PRDM15: variants seen among roughly 807,000 people sequenced by gnomAD.
PRDM15 encodes PR domain zinc finger protein 15.
A neutral mutation model predicts 128.6 loss-of-function variants in PRDM15; 64 were observed. The ratio of observed to expected loss-of-function variants is 0.50; its 90% CI spans 0.41 to 0.61. PRDM15 has a LOEUF of 0.61. PRDM15 is among the 20% of genes least tolerant of loss of function. The pLI is 0.00. For missense variants in PRDM15, 1,242 were observed against 1,569.1 expected (o/e 0.79, Z 3.52); for synonymous variants, 615 against 621.8 (o/e 0.99, Z 0.16).
chr21:41,825,888 G>GCTCATAGAGTCTTAACTGAAGA (rs2062451427), intron 13 of PRDM15, 72 bp downstream of exon 13: 1 of 1,169,866 alleles, frequency 8.5e-7, no homozygotes, highest in East Asian at 2.3e-5. Flanking sequence ...TATAAGTACA[G>GCTCATAGAGTCTTAACTGAAGA]CTCATAGAGT....
intron 5 of PRDM15, among the ~76,000 whole-genome samples, chr21:41,848,394 A>G (rs1443422315): frequency 6.6e-6 from 1 of 152,252 alleles, no homozygotes; most frequent in African/African-American, 2.4e-5. Context: ...AAAATAAAGA[A>G]AGAGCAGAAA....
rs1011938558 is a variant in PRDM15, at chr21:41,859,330, A to G, written c.131+262T>C. ...GTCCACTCTTCTGCAGCCTCCACAC[A>G]CTGTGTCGGGAACAGCTGGGCTCCA... On this transcript the variant is annotated intron_variant, in intron 3 of 23. Transcript: ENST00000398548. This position sits in a 1 kb window ranked among gnomAD's most constrained non-coding sequence, Gnocchi z 5.3. 9.2e-7 allele frequency: 1 copy of G among 1,092,462 alleles called. No individual in the cohort carries two copies. Among genetic ancestry groups the G allele is most frequent in the East Asian group, 2.5e-5 (1 of 40,766 alleles). 67.7% of individuals were successfully genotyped at this position (1,092,462 alleles called of 1,614,324 possible). A position where few individuals can be genotyped will look rare whatever the true frequency, so the allele number is the denominator to read the frequency against.
intron 16 of PRDM15, 150 bp downstream of exon 16, chr21:41,820,917 A>T (rs1361147702): frequency 1.0e-6 from 1 of 975,614 alleles, no homozygotes; most frequent in Non-Finnish European, 1.6e-6. Flanking sequence ...GCTGCCCCCG[A>T]GCCCTGCTGC....
At chr21:41,847,528 T>C (rs2063304177) in intron 5 of PRDM15, among the ~76,000 whole-genome samples, 1 of 152,162 alleles carries the variant, frequency 6.6e-6, no homozygotes, top group Admixed American at 6.5e-5. Context: ...ATGAGAAAAG[T>C]GCATTCCTCA....
chr21:41,867,495 T>G (rs1345370250), intron 1 of PRDM15: 12 of 776,990 alleles, frequency 1.5e-5, no homozygotes, highest in Non-Finnish European at 2.3e-5. Flanking sequence ...CGCAGTGGTT[T>G]TTCACAGGCG....
chr21:41,815,459 C>A (rs2062017074), intron 19 of PRDM15, among the ~76,000 whole-genome samples: 1 of 152,206 alleles, frequency 6.6e-6, no homozygotes, highest in Non-Finnish European at 1.5e-5. Context: ...AAAGACTGAC[C>A]AGTCTCCCAA....
Position 41,832,760 on chromosome 21 carries a change from G to A in PRDM15, c.1366+2677C>T, listed in dbSNP as rs562300845. Among the ~76,000 whole-genome samples the A allele has an allele frequency of 5.9e-5, 9 of 152,332 alleles. 1 individual carries two copies. In the South Asian group the frequency reaches 1.9e-3, roughly 32 times the overall value. ...CATGAGCACCCCCTCCTGGGCAGGT[G>A]GCTCCACTAGTCCTGCCGCCCCGTG... On this transcript the variant is annotated intron_variant, in intron 11 of 23. Transcript: ENST00000398548. This position sits in a 1 kb window ranked among gnomAD's most constrained non-coding sequence, Gnocchi z 4.2.
In PRDM15 at chr21:41,861,703, A is replaced by G. The variant is rs146720942; in HGVS notation, c.-9-1331T>C. 1.1e-5 allele frequency: 17 copies of G among 1,614,104 alleles called. No homozygotes were observed. The South Asian group carries it at 1.6e-4, about 16-fold the overall frequency. On this transcript the variant is annotated intron_variant, in intron 1 of 23. Transcript: ENST00000398548. ...CCCAGCAGCTTGAAGGGTGAAAAGC[A>G]GACCGTGCAAAACTCATATGGAAAC...
At chr21:41,856,552 C>G (rs189557278) in intron 4 of PRDM15, among the ~76,000 whole-genome samples, 19 of 152,170 alleles carry the variant, frequency 1.2e-4, no homozygotes, top group African/African-American at 4.6e-4. Context: ...ATACAGAGGG[C>G]AGGCATGGCA....
Position 41,832,047 on chromosome 21 carries a change from G to C in PRDM15, c.1366+3390C>G, listed in dbSNP as rs571717999. Among the ~76,000 whole-genome samples the C allele has an allele frequency of 1.3e-5, 2 of 152,358 alleles. No individual in the cohort carries two copies. The highest frequency in any genetic ancestry group is 4.1e-4 in the South Asian group (2 of 4,830). On this transcript the variant is annotated intron_variant, in intron 11 of 23. Transcript: ENST00000398548. This position sits in a 1 kb window ranked among gnomAD's most constrained non-coding sequence, Gnocchi z 4.2. ...CCGGATCCACACGACCGCATGGTAT[G>C]TGTCCTTCACACACTGCGTCTGAGG... is the stretch of plus-strand genomic sequence containing the variant.
At chr21:41,831,396 T>C (rs538196458) in intron 11 of PRDM15, among the ~76,000 whole-genome samples, 1 of 152,338 alleles carries the variant, frequency 6.6e-6, no homozygotes, top group Admixed American at 6.5e-5. Context: ...CCAAGGTGTC[T>C]GCAGACATTG....
chr21:41,829,518 A>G (rs973762991), intron 11 of PRDM15, among the ~76,000 whole-genome samples: 1 of 151,658 alleles, frequency 6.6e-6, no homozygotes, highest in South Asian at 2.1e-4. Context: ...CATCACACAC[A>G]TATAATCACA....
chr21:41,816,374 G>C (rs1166538481), intron 18 of PRDM15, among the ~76,000 whole-genome samples: 1 of 152,202 alleles, frequency 6.6e-6, no homozygotes, highest in Non-Finnish European at 1.5e-5. Context: ...CGCTGGCAGG[G>C]ACAGCACTGT....
chr21:41,805,105 A>G (rs73219043), intron 21 of PRDM15, among the ~76,000 whole-genome samples: 21,497 of 152,000 alleles, frequency 0.14, 1,704 homozygotes, highest in South Asian at 0.35. Context: ...CCCTGCCCCT[A>G]CCTTCCCTCC....
At chr21:41,871,443 G>T in intron 1 of PRDM15, 1 of 1,451,812 alleles carries the variant, frequency 6.9e-7, no homozygotes, top group Non-Finnish European at 9.2e-7. Flanking sequence ...AAAGCCACAG[G>T]CTGTCCCTGT....
chr21:41,839,211 A>C (rs1353260443), intron 7 of PRDM15, among the ~76,000 whole-genome samples: 1 of 152,254 alleles, frequency 6.6e-6, no homozygotes, highest in Non-Finnish European at 1.5e-5. Flanking sequence ...AAGGAGCCAC[A>C]GATAAACCAC....
At chr21:41,873,079 T>C (rs555214619) in intron 1 of PRDM15, among the ~76,000 whole-genome samples, 15 of 152,304 alleles carry the variant, frequency 9.8e-5, no homozygotes, top group Non-Finnish European at 2.2e-4. Flanking sequence ...TTCCACTGTG[T>C]TTCCTAGCAC....
intron 21 of PRDM15, among the ~76,000 whole-genome samples, chr21:41,806,522 T>TCAC (rs1297465323): frequency 6.6e-5 from 3 of 45,276 alleles, no homozygotes; most frequent in African/African-American, 1.3e-4. Flanking sequence ...ACCACCACCA[T>TCAC]CACCACCACC....
intron 21 of PRDM15, among the ~76,000 whole-genome samples, chr21:41,809,637 T>C (rs1231172905): frequency 6.6e-6 from 1 of 152,210 alleles, no homozygotes; most frequent in East Asian, 1.9e-4. Flanking sequence ...AGTCTACTCT[T>C]TTCTGTGACC....
Sources: allele counts gnomAD v4.1 joint callset (sites outside exome capture counted in the v4.1 genomes callset), GRCh38; gene constraint gnomAD v4.1.1; non-coding constraint Gnocchi (gnomAD v3.1); transcripts MANE v1.5; gene names NCBI Gene and HGNC (gene_info 2026-07-23, HGNC 2026-07-21).